The following DOP1A variants were observed in gnomAD, a reference collection of about 807,000 sequenced individuals.
DOP1A encodes the protein protein DOP1A.
In DOP1A, 90 loss-of-function variants were observed where a neutral mutation model predicts 267.6. That is an observed-to-expected ratio of 0.34 (90% CI 0.28 to 0.40). The LOEUF is 0.40. Among genes scored for constraint, DOP1A ranks in the 10% least tolerant of loss-of-function variants. DOP1A has a pLI of 1.00. For synonymous variants in DOP1A, 932 were observed against 999.1 expected (o/e 0.93, Z 1.27); for missense variants, 2,437 against 2,900.4 (o/e 0.84, Z 3.67).
intron 18 of DOP1A, among the ~76,000 whole-genome samples, chr6:83,132,893 C>T (rs907543630): frequency 1.3e-5 from 2 of 152,020 alleles, no homozygotes; most frequent in African/African-American, 4.8e-5. Flanking sequence ...TTTTACTAAC[C>T]TCATCAGGGT....
At chr6:83,098,896 C>A (rs1051331032) in intron 3 of DOP1A, among the ~76,000 whole-genome samples, 10 of 152,138 alleles carry the variant, frequency 6.6e-5, no homozygotes, top group Non-Finnish European at 1.3e-4. Flanking sequence ...TCAGATTTTT[C>A]TTGGCCTCTC....
At chr6:83,098,367 C>T (rs11751407) in intron 3 of DOP1A, among the ~76,000 whole-genome samples, 14,337 of 152,218 alleles carry the variant, frequency 0.094, 870 homozygotes, top group East Asian at 0.16. Context: ...AGCAGTTCTA[C>T]AGTAGATACC....
intron 36 of DOP1A, among the ~76,000 whole-genome samples, chr6:83,159,050 G>T (rs1783550546): frequency 1.3e-5 from 2 of 152,198 alleles, no homozygotes; most frequent in South Asian, 4.2e-4. Flanking sequence ...ATTAATGTAT[G>T]ACTAAATACA....
At chr6:83,132,828 A>G (rs1223216355) in intron 18 of DOP1A, among the ~76,000 whole-genome samples, 1 of 152,212 alleles carries the variant, frequency 6.6e-6, no homozygotes, top group Non-Finnish European at 1.5e-5. Flanking sequence ...AGTGTGATAT[A>G]TAATTCAGTT....
chr6:83,115,114 G>A (rs1775201995), intron 7 of DOP1A, among the ~76,000 whole-genome samples: 2 of 152,110 alleles, frequency 1.3e-5, no homozygotes, highest in South Asian at 4.1e-4. Context: ...GCAGTGGGAT[G>A]GACTGCTACA....
At chr6:83,100,226 A>G (rs755785343) in intron 3 of DOP1A, among the ~76,000 whole-genome samples, 1 of 152,186 alleles carries the variant, frequency 6.6e-6, no homozygotes, top group Non-Finnish European at 1.5e-5. Context: ...TCTTATAAGC[A>G]TTAGAATTAC....
rs1391689169 is a variant in DOP1A at position 83,161,163 on chromosome 6, A to G, written c.6962+1203A>G. The G allele has an allele frequency of 2.0e-5, 3 of 152,166 alleles. No individual in the cohort carries two copies. In the East Asian group the frequency reaches 5.8e-4, roughly 29 times the overall value. 9.4% of individuals were successfully genotyped at this position (152,166 alleles called of 1,614,324 possible). ...TGGTGCTTTTGGAGGGACATGAAAT[A>G]GTATGCTCATGATACTGACTTTTTA... is the stretch of plus-strand genomic sequence containing the variant. On this transcript the variant is annotated intron_variant, in intron 37 of 38. Coordinates refer to ENST00000349129, the MANE Select transcript of DOP1A (RefSeq NM_015018.4).
chr6:83,108,784 T>C (rs985872475), intron 4 of DOP1A, 126 bp from the exon 5 acceptor site: 1 of 845,408 alleles, frequency 1.2e-6, no homozygotes, highest in Non-Finnish European at 1.8e-6. Context: ...CATATACAGG[T>C]ATCATTTTTA....
intron 1 of DOP1A, 92 bp downstream of exon 1, chr6:83,067,871 C>A (rs1174013254): frequency 6.6e-6 from 1 of 152,286 alleles, no homozygotes; most frequent in Non-Finnish European, 1.5e-5. Context: ...GCCGCGGGGA[C>A]GCCTTGCGAG....
intron 20 of DOP1A, among the ~76,000 whole-genome samples, chr6:83,136,734 C>T (rs747226584): frequency 1.3e-5 from 2 of 152,050 alleles, no homozygotes; most frequent in Non-Finnish European, 2.9e-5. Context: ...TGTGTTAATG[C>T]TTTATCTAAC....
At chr6:83,113,926 G>A (rs958301755) in intron 7 of DOP1A, among the ~76,000 whole-genome samples, 5 of 152,118 alleles carry the variant, frequency 3.3e-5, no homozygotes, top group African/African-American at 1.2e-4. Context: ...TTTAATCAGT[G>A]CCCTCATTTT....
At chr6:83,118,818 T>C in intron 7 of DOP1A, 70 bp from the exon 8 acceptor site, 1 of 1,378,972 alleles carries the variant, frequency 7.3e-7, no homozygotes. Flanking sequence ...TTTCAGGGCA[T>C]TTTTTAAAGA....
At chr6:83,075,283 C>T (rs1766881719) in intron 1 of DOP1A, among the ~76,000 whole-genome samples, 1 of 152,110 alleles carries the variant, frequency 6.6e-6, no homozygotes. Flanking sequence ...TTTCTAGGAG[C>T]TGGGGATTTG....
intron 1 of DOP1A, among the ~76,000 whole-genome samples, chr6:83,092,584 G>T (rs1264028007): frequency 8.9e-6 from 1 of 112,286 alleles, no homozygotes; most frequent in East Asian, 2.6e-4. Flanking sequence ...ATTCACCAGG[G>T]ATATGTTTTA....
chr6:83,128,115 C>T (rs1043321241), intron 15 of DOP1A, among the ~76,000 whole-genome samples: 3 of 152,120 alleles, frequency 2.0e-5, no homozygotes, highest in Non-Finnish European at 2.9e-5. Flanking sequence ...AGGAACATTG[C>T]GTGAAGCCCA....
chr6:83,126,963 C>A (rs989825037), intron 15 of DOP1A, among the ~76,000 whole-genome samples: 2 of 151,830 alleles, frequency 1.3e-5, no homozygotes, highest in Non-Finnish European at 2.9e-5. Flanking sequence ...TTGGTTGGCT[C>A]GGGGATGAAA....
At chr6:83,152,597 T>G (rs1225820128) in intron 30 of DOP1A, among the ~76,000 whole-genome samples, 1 of 151,638 alleles carries the variant, frequency 6.6e-6, no homozygotes, top group Middle Eastern at 3.2e-3. Flanking sequence ...GTCCTATTCT[T>G]TTTTATGTGT....
chr6:83,081,560 A>G (rs1193214826), intron 1 of DOP1A, among the ~76,000 whole-genome samples: 1 of 152,220 alleles, frequency 6.6e-6, no homozygotes, highest in Non-Finnish European at 1.5e-5. Flanking sequence ...TGGGTTATAA[A>G]AAAAAATAGG....
rs1207037324 is a variant in DOP1A at position 83,138,404 on chromosome 6, A to G, written c.4362A>G (p.Glu1454=). ...ACTTCCGGAGTTCTATGTACATAGA[A>G]ATTCTTATTTCTCTCTGCTTATATT... ...NHNFRSSMYI[E]ILISLCLYYM... is the part of the protein sequence containing the mutation. The change falls in exon 21 of 39, where the codon GAA becomes GAG. Residue 1454 remains glutamate, a synonymous_variant. Transcript: ENST00000349129. The G allele has an allele frequency of 1.9e-6, 3 of 1,611,150 alleles. No homozygotes were observed. Among genetic ancestry groups the G allele is most frequent in the Admixed American group, 3.3e-5 (2 of 59,976 alleles).
Sources: allele counts gnomAD v4.1 joint callset (sites outside exome capture counted in the v4.1 genomes callset), GRCh38; gene constraint gnomAD v4.1.1; transcripts MANE v1.5; gene names NCBI Gene and HGNC (gene_info 2026-07-23, HGNC 2026-07-21).